The following AGMO variants were observed in gnomAD, a reference collection of about 807,000 sequenced individuals.
The protein encoded by AGMO is glyceryl-ether monooxygenase.
AGMO carries 75 observed loss-of-function variants against 60.2 expected under a neutral mutation model. The ratio of observed to expected loss-of-function variants is 1.25; its 90% CI spans 1.03 to 1.51. The LOEUF is 1.51. Ranked by LOEUF, AGMO falls within the 40% of genes most tolerant of loss-of-function variation. The probability of loss-of-function intolerance (pLI) is 0.00; values close to 1 mark genes in which losing one functional copy is unlikely to be tolerated. For synonymous variants in AGMO, 261 were observed against 177.1 expected (o/e 1.47, Z -3.76); for missense variants, 763 against 525.5 (o/e 1.45, Z -4.42).
At chr7:15,538,308 C>A (rs923405358) in intron 3 of AGMO, among the ~76,000 whole-genome samples, 2 of 152,136 alleles carry the variant, frequency 1.3e-5, no homozygotes, top group Admixed American at 1.3e-4. Flanking sequence ...TCATAGCTCA[C>A]TGGAGCCTAA....
rs1049891427 is a variant in AGMO, at chr7:15,341,356, G to T, written c.1263+24158C>A. On this transcript the variant is annotated intron_variant, in intron 12 of 12. Coordinates refer to ENST00000342526, the MANE Select transcript of AGMO (RefSeq NM_001004320.2). The stretch of plus-strand genomic sequence containing the variant: ...AGTTCAAATTTCCACAGATCTCTAG[G>T]GCAGGGGCAAAATGCCACCAGTCCT... 9.9e-5 allele frequency among the ~76,000 whole-genome samples: 15 copies of T among 152,040 alleles called. 1 individual carries two copies. Among genetic ancestry groups the T allele is most frequent in the Admixed American group, 2.6e-4 (4 of 15,258 alleles).
chr7:15,498,126 T>C (rs1038466580), intron 3 of AGMO, among the ~76,000 whole-genome samples: 3 of 152,042 alleles, frequency 2.0e-5, no homozygotes, highest in African/African-American at 7.2e-5. Context: ...GCTACCTAAA[T>C]GTCAGTTGTA....
chr7:15,199,232 C>T (rs762683725), downstream of AGMO, among the ~76,000 whole-genome samples: 7 of 152,098 alleles, frequency 4.6e-5, no homozygotes, highest in Non-Finnish European at 8.8e-5. Context: ...CTCCCACTTT[C>T]ATTGGCACAA....
chr7:15,266,092 A>G (rs1783423200), intron 12 of AGMO, among the ~76,000 whole-genome samples: 1 of 152,112 alleles, frequency 6.6e-6, no homozygotes, highest in Non-Finnish European at 1.5e-5. Context: ...AAAATCATTG[A>G]GACAGAAAGG....
At chr7:15,224,243 T>A (rs1563042662) in intron 12 of AGMO, among the ~76,000 whole-genome samples, 1 of 151,934 alleles carries the variant, frequency 6.6e-6, no homozygotes, top group African/African-American at 2.4e-5. Flanking sequence ...TAGCCAAATC[T>A]TTCACCTCTG....
At chr7:15,150,519 G>A in the AGMO span, among the ~76,000 whole-genome samples, 1 of 152,054 alleles carries the variant, frequency 6.6e-6, no homozygotes, top group Non-Finnish European at 1.5e-5. Context: ...ATAAAAGGAT[G>A]TTGAATTTTA....
chr7:15,449,482 T>C (rs577120202), intron 3 of AGMO, among the ~76,000 whole-genome samples: 17 of 152,198 alleles, frequency 1.1e-4, no homozygotes, highest in Non-Finnish European at 2.4e-4. Context: ...CCCTTTTCTA[T>C]GTATAAATAT....
the AGMO span, among the ~76,000 whole-genome samples, chr7:15,168,903 C>A: frequency 6.6e-6 from 1 of 152,176 alleles, no homozygotes. Context: ...TTCTGACAGG[C>A]TCTATGGATA....
intron 5 of AGMO, among the ~76,000 whole-genome samples, chr7:15,404,907 AG>A (rs1235365487): frequency 6.6e-6 from 1 of 151,858 alleles, no homozygotes; most frequent in African/African-American, 2.4e-5. Context: ...CTCGAATGTT[AG>A]ATCGCTTTGT....
In AGMO at chr7:15,236,310, C is replaced by T. The variant is rs190842517; in HGVS notation, c.1264-34951G>A. 1.6e-3 allele frequency among the ~76,000 whole-genome samples: 246 copies of T among 152,126 alleles called. 1 individual carries two copies. Among genetic ancestry groups the T allele is most frequent in the African/African-American group, 5.6e-3 (231 of 41,514 alleles). On this transcript the variant is annotated intron_variant, in intron 12 of 12. Transcript: ENST00000342526. ...CATTTTATAGATCTTGTAAAAACTA[C>T]ATTTACATTAAACTACATAAAAACT...
the AGMO span, among the ~76,000 whole-genome samples, chr7:15,118,554 A>C: frequency 1.3e-5 from 2 of 152,064 alleles, no homozygotes; most frequent in East Asian, 1.9e-4. Flanking sequence ...AAAATCATTG[A>C]CTTCCTTGTT....
chr7:15,215,267 A>G (rs1781703898), intron 12 of AGMO, among the ~76,000 whole-genome samples: 1 of 152,132 alleles, frequency 6.6e-6, no homozygotes, highest in Admixed American at 6.6e-5. Context: ...CACAAGGAGG[A>G]ATATTAACTA....
At chr7:15,385,965 G>C (rs1436044050) in intron 9 of AGMO, among the ~76,000 whole-genome samples, 1 of 152,036 alleles carries the variant, frequency 6.6e-6, no homozygotes, top group Admixed American at 6.5e-5. Context: ...CGGATCATTT[G>C]AGGTCAAGAG....
At chr7:15,397,024 C>T (rs890313047) in intron 5 of AGMO, among the ~76,000 whole-genome samples, 2 of 152,144 alleles carry the variant, frequency 1.3e-5, no homozygotes. Context: ...AATCCTTTAG[C>T]TACACAGAAA....
intron 12 of AGMO, among the ~76,000 whole-genome samples, chr7:15,227,666 G>A (rs893473062): frequency 2.6e-5 from 4 of 151,952 alleles, no homozygotes; most frequent in Admixed American, 6.6e-5. Flanking sequence ...CATGTTTCAC[G>A]GTAACGCCTC....
intron 5 of AGMO, among the ~76,000 whole-genome samples, chr7:15,405,784 T>G (rs995555659): frequency 4.0e-5 from 6 of 151,850 alleles, no homozygotes; most frequent in African/African-American, 1.4e-4. Context: ...TCATATTCAT[T>G]TATTCAGTCA....
At chr7:15,368,280 C>CAAAA (rs34220868) in intron 10 of AGMO, among the ~76,000 whole-genome samples, 1 of 123,476 alleles carries the variant, frequency 8.1e-6, no homozygotes, top group Non-Finnish European at 1.8e-5. Context: ...AGAATGAGAC[C>CAAAA]AAAAAAAAAA....
In AGMO at chr7:15,320,732, T is replaced by C. The variant is rs1781083632; in HGVS notation, c.1263+44782A>G. 3.3e-5 allele frequency among the ~76,000 whole-genome samples: 5 copies of C among 152,164 alleles called. 1 individual carries two copies. The South Asian group carries it at 1.0e-3, about 31-fold the overall frequency. On this transcript the variant is annotated intron_variant, in intron 12 of 12. Coordinates refer to ENST00000342526, the MANE Select transcript of AGMO (RefSeq NM_001004320.2). ...GATATATATCACATAATGTTATATA[T>C]GCCTTAATAAATGGATGCATACAAA... is the stretch of plus-strand genomic sequence containing the variant.
intron 12 of AGMO, among the ~76,000 whole-genome samples, chr7:15,204,282 C>T (rs1207894400): frequency 6.6e-6 from 1 of 152,040 alleles, no homozygotes; most frequent in African/African-American, 2.4e-5. Context: ...TTAAAATTTT[C>T]CTTGTCCAAC....
Sources: allele counts gnomAD v4.1 joint callset (sites outside exome capture counted in the v4.1 genomes callset), GRCh38; gene constraint gnomAD v4.1.1; transcripts MANE v1.5; gene names NCBI Gene and HGNC (gene_info 2026-07-23, HGNC 2026-07-21).